Variants in TTC28 observed in about 807,000 individuals in gnomAD.
TTC28 encodes the protein tetratricopeptide repeat domain 28.
TTC28 carries 61 observed loss-of-function variants against 198.0 expected under a neutral mutation model. The ratio of observed to expected loss-of-function variants is 0.31; its 90% confidence interval spans 0.25 to 0.38. The LOEUF (loss-of-function observed/expected upper bound fraction) is 0.38. Ranked by LOEUF, TTC28 falls within the 10% of genes least tolerant of loss-of-function variation. TTC28 has a pLI of 1.00. For missense variants in TTC28, 2,678 were observed against 3,164.0 expected, an observed-to-expected ratio of 0.85 and a Z score of 3.69; for synonymous variants, 1,171 against 1,297.8, an observed-to-expected ratio of 0.90 and a Z score of 2.10.
intron 22 of TTC28, 76 bp downstream of exon 22, chr22:27,985,173 T>G (rs778861628): frequency 1.0e-4 from 109 of 1,068,762 alleles, no homozygotes; most frequent in Non-Finnish European, 1.4e-4. Context: ...CTTCCCAAAA[T>G]GTATGTGCTG....
intron 22 of TTC28, 29 bp downstream of exon 22, chr22:27,985,220 G>A (rs1418301630): frequency 1.3e-6 from 2 of 1,508,418 alleles, no homozygotes; most frequent in East Asian, 2.5e-5. Context: ...AGGCCCTGGT[G>A]GAGAACTGGT....
In TTC28 at chr22:28,483,422, TACTG is replaced by T. The variant is rs548990240; in HGVS notation, c.381+146126_381+146129del. Among the ~76,000 whole-genome samples the T allele has an allele frequency of 7.0e-3, 1,061 of 152,300 alleles. 12 individuals carry two copies. The highest frequency in any genetic ancestry group is 0.025 in the African/African-American group (1,024 of 41,572). ...ATGAAATTAGATAATTAAATACTGATACTGACTCAACAGTCAGTGAAACTTTTTT... is the reference window on the plus strand; with the variant it reads ...ATGAAATTAGATAATTAAATACTGATACTCAACAGTCAGTGAAACTTTTTT... On this transcript the variant is annotated intron_variant, in intron 2 of 22. Coordinates refer to ENST00000397906, the MANE Select transcript of TTC28 (RefSeq NM_001145418.2).
At chr22:28,368,524 T>C (rs1002033178) in intron 2 of TTC28, among the ~76,000 whole-genome samples, 9 of 152,206 alleles carry the variant, frequency 5.9e-5, no homozygotes, top group Middle Eastern at 3.4e-3. Flanking sequence ...TTATTCAACA[T>C]AGTACTAGAA....
intron 5 of TTC28, among the ~76,000 whole-genome samples, chr22:28,201,482 G>GA (rs1204157151): frequency 1.3e-5 from 2 of 152,040 alleles, no homozygotes; most frequent in African/African-American, 4.8e-5. Context: ...GTAAGAATTA[G>GA]AAAGGATACT....
chr22:28,071,801 A>G (rs113440838), intron 12 of TTC28, among the ~76,000 whole-genome samples: 2,538 of 151,466 alleles, frequency 0.017, 56 homozygotes, highest in East Asian at 0.08. Context: ...CTTCGTCTCC[A>G]CCAGCCAGCA....
chr22:28,255,895 A>G (rs1930876215), intron 5 of TTC28, among the ~76,000 whole-genome samples: 1 of 152,192 alleles, frequency 6.6e-6, no homozygotes, highest in Non-Finnish European at 1.5e-5. Flanking sequence ...TGTTTGTTAT[A>G]GTAGGATAAG....
At chr22:28,429,505 T>A (rs1451367069) in intron 2 of TTC28, among the ~76,000 whole-genome samples, 1 of 152,224 alleles carries the variant, frequency 6.6e-6, no homozygotes, top group Admixed American at 6.5e-5. Context: ...TCAGAAATTT[T>A]AAAACCCCAG....
At position 27,978,380 on chromosome 22, in the gene TTC28, C is replaced by T. The variant is rs535645614; in HGVS notation, c.*3841G>A. 1 of 152,374 alleles carries T rather than the reference C, an allele frequency of 6.6e-6. No individual in the cohort carries two copies. The highest frequency in any genetic ancestry group is 1.9e-4 in the East Asian group (1 of 5,186). The allele number at this position is 152,374 out of a possible 1,614,324, so 9.4% of individuals were successfully genotyped here. ...TAGGTGATGAAAATTATACAGTTTT[C>T]ACTTGTTGCCTACTTACTGAAAGCA... On this transcript the variant is annotated 3_prime_UTR_variant, in exon 23 of 23. Transcript: ENST00000397906.
At chr22:28,236,158 C>T (rs1014976809) in intron 5 of TTC28, among the ~76,000 whole-genome samples, 1 of 152,212 alleles carries the variant, frequency 6.6e-6, no homozygotes, top group Admixed American at 6.5e-5. Flanking sequence ...CCTAGTTCCG[C>T]AGCTAGACAT....
At chr22:28,223,940 T>G (rs1399279310) in intron 5 of TTC28, among the ~76,000 whole-genome samples, 1 of 152,192 alleles carries the variant, frequency 6.6e-6, no homozygotes, top group Non-Finnish European at 1.5e-5. Context: ...AGACTAACAG[T>G]TTATAAAACA....
intron 13 of TTC28, among the ~76,000 whole-genome samples, chr22:28,028,637 A>G (rs1462805978): frequency 6.6e-6 from 1 of 152,188 alleles, no homozygotes; most frequent in Non-Finnish European, 1.5e-5. Context: ...AGGATGAGGG[A>G]GGCTACAACC....
intron 2 of TTC28, among the ~76,000 whole-genome samples, chr22:28,325,426 C>T (rs369647412): frequency 8.6e-5 from 13 of 151,974 alleles, no homozygotes; most frequent in African/African-American, 3.1e-4. Flanking sequence ...AACCTCATCA[C>T]ACTAAATGAA....
At chr22:28,641,241 T>C (rs776819942) in intron 1 of TTC28, among the ~76,000 whole-genome samples, 7 of 151,946 alleles carry the variant, frequency 4.6e-5, no homozygotes, top group African/African-American at 7.3e-5. Context: ...GGGGAATCAC[T>C]TGAACCCAGG....
At chr22:28,494,524 CAACT>C (rs1455542115) in intron 2 of TTC28, among the ~76,000 whole-genome samples, 1 of 152,116 alleles carries the variant, frequency 6.6e-6, no homozygotes, top group Non-Finnish European at 1.5e-5. Flanking sequence ...CAGAAACTGC[CAACT>C]AACCCCTCAC....
At chr22:28,392,870 CTTTTTTTTTT>C (rs1245558034) in intron 2 of TTC28, among the ~76,000 whole-genome samples, 2 of 80,688 alleles carry the variant, frequency 2.5e-5, no homozygotes, top group Non-Finnish European at 4.3e-5. Context: ...TTCCTCCCTC[CTTTTTTTTTT>C]TTTTTTTTTT....
intron 2 of TTC28, among the ~76,000 whole-genome samples, chr22:28,347,378 G>A (rs1378583266): frequency 6.6e-6 from 1 of 152,002 alleles, no homozygotes; most frequent in Non-Finnish European, 1.5e-5. Flanking sequence ...TCCATTTATG[G>A]TGCACTCTAT....
rs551956616 is a variant in TTC28 at position 28,391,629 on chromosome 22, T to C, written c.382-84986A>G. 4.7e-4 allele frequency among the ~76,000 whole-genome samples: 72 copies of C among 152,368 alleles called. 1 individual carries two copies. The South Asian group carries it at 0.013, about 28-fold the overall frequency. On this transcript the variant is annotated intron_variant, in intron 2 of 22. Transcript: ENST00000397906. ...GCTGATACCCTTTCTTCCAGTTGAT[T>C]GCATCAGCTCCTGAGGCTTCTGCAT... is the stretch of plus-strand genomic sequence containing the variant.
At chr22:28,334,106 G>GT (rs1373429779) in intron 2 of TTC28, among the ~76,000 whole-genome samples, 2 of 150,766 alleles carry the variant, frequency 1.3e-5, no homozygotes, top group Admixed American at 1.3e-4. Context: ...AAGGTGTTTG[G>GT]TTTTTTCTCC....
chr22:28,198,395 T>C (rs758789026), intron 5 of TTC28, among the ~76,000 whole-genome samples: 30 of 152,038 alleles, frequency 2.0e-4, no homozygotes, highest in Admixed American at 2.6e-4. Context: ...ATGAGAAAGA[T>C]GGATAAGGAT....
Sources: allele counts gnomAD v4.1 joint callset (sites outside exome capture counted in the v4.1 genomes callset), GRCh38; gene constraint gnomAD v4.1.1; transcripts MANE v1.5; gene names NCBI Gene and HGNC (gene_info 2026-07-23, HGNC 2026-07-21).